RASGRP3: variants seen among roughly 807,000 people sequenced by gnomAD.
The protein encoded by RASGRP3 is RAS guanyl releasing protein 3.
In RASGRP3, 54 loss-of-function variants were observed where a neutral mutation model predicts 82.7. That is an observed-to-expected ratio of 0.65 (90% CI 0.52 to 0.82). The LOEUF (loss-of-function observed/expected upper bound fraction) is 0.82, where lower values mean the gene tolerates loss of function less well. Among genes scored for constraint, RASGRP3 ranks in the 40% least tolerant of loss-of-function variants. RASGRP3 has a pLI of 0.00. For synonymous variants in RASGRP3, 309 were observed against 300.5 expected (o/e 1.03, Z -0.29); for missense variants, 861 against 828.9 (o/e 1.04, Z -0.48).
At chr2:33,538,987 C>T (rs552291028) in intron 11 of RASGRP3, 107 bp from the exon 12 acceptor site, 21 of 753,072 alleles carry the variant, frequency 2.8e-5, no homozygotes, top group South Asian at 1.2e-4. Flanking sequence ...TGTAGTGAGC[C>T]GAAATTACAC....
At chr2:33,475,173 G>A (rs1419429593), upstream of RASGRP3, among the ~76,000 whole-genome samples, 1 of 152,184 alleles carries the variant, frequency 6.6e-6, no homozygotes, top group East Asian at 1.9e-4. Flanking sequence ...TTTTATATCT[G>A]AAGTTTATTT....
chr2:33,496,509 T>TATGG (rs1669326897), intron 1 of RASGRP3, among the ~76,000 whole-genome samples: 1 of 152,210 alleles, frequency 6.6e-6, no homozygotes, highest in Non-Finnish European at 1.5e-5. Flanking sequence ...ACAACAAAGA[T>TATGG]ATGGAGATCT....
intron 1 of RASGRP3, among the ~76,000 whole-genome samples, chr2:33,507,997 G>C (rs947468182): frequency 2.6e-5 from 4 of 152,212 alleles, no homozygotes; most frequent in Non-Finnish European, 5.9e-5. Flanking sequence ...GAAGTGGTTG[G>C]TGGCAGAATT....
intron 11 of RASGRP3, 100 bp downstream of exon 11, chr2:33,534,500 G>T: frequency 1.2e-6 from 1 of 806,468 alleles, no homozygotes; most frequent in Non-Finnish European, 2.0e-6. Flanking sequence ...TAAAACGGAA[G>T]AATTTTAAAA....
At position 33,515,065 on chromosome 2, in the gene RASGRP3, C is replaced by A; in HGVS notation, c.-72C>A. ...CACCACTAGGCACTAACATCGCTGACTTGCATGATTATGGAGATGGTCTAT... is the reference window on the plus strand; with the variant it reads ...CACCACTAGGCACTAACATCGCTGAATTGCATGATTATGGAGATGGTCTAT... On this transcript the variant is annotated 5_prime_UTR_variant, in exon 3 of 18. Coordinates refer to ENST00000403687, the MANE Select transcript of RASGRP3 (RefSeq NM_001139488.2). 7.0e-7 allele frequency: 1 copy of A among 1,436,936 alleles called. No individual in the cohort carries two copies. The highest frequency in any genetic ancestry group is 9.8e-7 in the Non-Finnish European group (1 of 1,018,688). The allele number at this position is 1,436,936 out of a possible 1,614,324, so 89.0% of individuals were successfully genotyped here.
At chr2:33,453,256 A>G (rs536354648) in intron 2 of RASGRP3, among the ~76,000 whole-genome samples, 2 of 152,324 alleles carry the variant, frequency 1.3e-5, no homozygotes, top group Admixed American at 1.3e-4. Flanking sequence ...TAACACACAC[A>G]TTATCTACCT....
Position 33,527,390 on chromosome 2 carries a change from T to A in RASGRP3, c.1061T>A (p.Met354Lys). ...QNASHHLEPN[M>K]DLINLLTLSL... ...GCCTCTCACCACTTAGAACCCAACATGGATTTGATCAACCTGCTCACGGTG... is the reference window on the plus strand; with the variant it reads ...GCCTCTCACCACTTAGAACCCAACAAGGATTTGATCAACCTGCTCACGGTG... The change falls in exon 10 of 18, where the codon ATG (methionine) becomes AAG (lysine). Residue 354 changes from methionine (M) to lysine (K), a missense_variant. Coordinates refer to ENST00000403687, the MANE Select transcript of RASGRP3 (RefSeq NM_001139488.2). The A allele has an allele frequency of 6.2e-7, 1 of 1,613,590 alleles. No individual in the cohort carries two copies.
In RASGRP3 at chr2:33,524,003, C is replaced by A. The variant is rs1289024955; in HGVS notation, c.641C>A (p.Thr214Asn). ...CAGTTGATGGTTCTTAGCAAACCAA[C>A]CCCCCAGCAAAGGGCAGAAGTCATC... ...WVQLMVLSKP[T>N]PQQRAEVITK... Residue 214 changes from threonine to asparagine, a missense_variant, in exon 8 of 18, where the codon ACC (threonine) becomes AAC (asparagine). Physicochemically the swap from Thr to Asn is moderately conservative, Grantham distance 65. Coordinates refer to ENST00000403687, the MANE Select transcript of RASGRP3 (RefSeq NM_001139488.2). The A allele has an allele frequency of 1.2e-6, 2 of 1,613,566 alleles. No homozygotes were observed. Among genetic ancestry groups the A allele is most frequent in the African/African-American group, 1.3e-5 (1 of 74,958 alleles).
At chr2:33,450,535 T>C (rs1665728471) in intron 2 of RASGRP3, among the ~76,000 whole-genome samples, 1 of 152,182 alleles carries the variant, frequency 6.6e-6, no homozygotes, top group Admixed American at 6.5e-5. Context: ...TTTATCCATG[T>C]TGTTGCAAAT....
chr2:33,548,388 G>T (rs1007421684), intron 13 of RASGRP3, among the ~76,000 whole-genome samples: 8 of 139,962 alleles, frequency 5.7e-5, no homozygotes, highest in African/African-American at 7.9e-5. Flanking sequence ...AAAAAAGAAG[G>T]TAGAAAGAAA....
At chr2:33,527,064 C>A in intron 9 of RASGRP3, 73 bp from the exon 10 acceptor site, 2 of 1,441,584 alleles carry the variant, frequency 1.4e-6, no homozygotes, top group African/African-American at 1.9e-5. Flanking sequence ...ATTTCCTAGC[C>A]ACACATTGCA....
In RASGRP3 at chr2:33,525,737, T is replaced by TGTGGCA. The variant is rs1402661424; in HGVS notation, c.807+1193_807+1198dup. ...AAAAAAAAAAAAAAAACTAGCCAGG[T>TGTGGCA]GTGGCAGTGTGTGCCTGTAGTCCCA... On this transcript the variant is annotated intron_variant, in intron 9 of 17. Transcript: ENST00000403687. 2.7e-3 allele frequency among the ~76,000 whole-genome samples: 335 copies of TGTGGCA among 124,528 alleles called. 1 individual carries two copies. Among genetic ancestry groups the TGTGGCA allele is most frequent in the African/African-American group, 8.5e-3 (273 of 32,042 alleles). The allele number at this position is 124,528 out of a possible 152,430, so 81.7% of individuals were successfully genotyped here. A position where few individuals can be genotyped will look rare whatever the true frequency, so the allele number is the denominator to read the frequency against.
intron 14 of RASGRP3, among the ~76,000 whole-genome samples, chr2:33,552,624 T>C (rs893186387): frequency 5.9e-5 from 9 of 152,224 alleles, no homozygotes; most frequent in African/African-American, 2.2e-4. Context: ...ATGGTTCCAG[T>C]GCCGGAACCA....
Position 33,478,708 on chromosome 2 carries a change from G to A in RASGRP3, c.-261+2001G>A, listed in dbSNP as rs17013101. On this transcript the variant is annotated intron_variant, in intron 1 of 17. Coordinates refer to ENST00000403687, the MANE Select transcript of RASGRP3 (RefSeq NM_001139488.2). ...CCTGGATAGGAATGATAGAATGTGC[G>A]ATTTAACTCTTTCGTATCAAAGATG... Among the ~76,000 whole-genome samples, 1,327 of 152,286 alleles carry A rather than the reference G, an allele frequency of 8.7e-3. 22 individuals are homozygous for A. Among genetic ancestry groups the A allele is most frequent in the African/African-American group, 0.026 (1,075 of 41,550 alleles).
chr2:33,497,502 T>A (rs1669434345), intron 1 of RASGRP3, among the ~76,000 whole-genome samples: 1 of 152,234 alleles, frequency 6.6e-6, no homozygotes. Flanking sequence ...TGGAAAAGTT[T>A]TTGTGTAATA....
chr2:33,510,123 G>A (rs1178188158), intron 1 of RASGRP3, among the ~76,000 whole-genome samples: 1 of 152,134 alleles, frequency 6.6e-6, no homozygotes, highest in African/African-American at 2.4e-5. Context: ...TCTCCATATG[G>A]AGGTCATATG....
intron 2 of RASGRP3, among the ~76,000 whole-genome samples, chr2:33,451,508 C>G (rs753576557): frequency 6.6e-6 from 1 of 152,090 alleles, no homozygotes; most frequent in Non-Finnish European, 1.5e-5. Context: ...AAGATATTCC[C>G]CTATCTTTTC....
At chr2:33,449,171 T>C (rs1188075236) in intron 2 of RASGRP3, among the ~76,000 whole-genome samples, 1 of 152,224 alleles carries the variant, frequency 6.6e-6, no homozygotes, top group Non-Finnish European at 1.5e-5. Context: ...CATTTCTACC[T>C]CTCCCAGATT....
intron 2 of RASGRP3, among the ~76,000 whole-genome samples, chr2:33,467,416 G>A (rs956899502): frequency 6.6e-6 from 1 of 152,128 alleles, no homozygotes; most frequent in Non-Finnish European, 1.5e-5. Flanking sequence ...AGAACAAGAA[G>A]GGTAGAGAAA....
Sources: allele counts gnomAD v4.1 joint callset (sites outside exome capture counted in the v4.1 genomes callset), GRCh38; gene constraint gnomAD v4.1.1; transcripts MANE v1.5; gene names NCBI Gene and HGNC (gene_info 2026-07-23, HGNC 2026-07-21).